RNF144A: variants seen among roughly 807,000 people sequenced by gnomAD.
RNF144A encodes the protein E3 ubiquitin-protein ligase RNF144A.
RNF144A carries 11 observed loss-of-function variants against 38.7 expected under a neutral mutation model. The ratio of observed to expected loss-of-function variants is 0.28; its 90% confidence interval spans 0.18 to 0.47. The LOEUF is 0.47. Ranked by LOEUF, RNF144A falls within the 20% of genes least tolerant of loss-of-function variation. The probability of loss-of-function intolerance (pLI) is 0.99; values close to 1 mark genes in which losing one functional copy is unlikely to be tolerated. For synonymous variants in RNF144A, 149 were observed against 143.9 expected (o/e 1.04, Z -0.25); for missense variants, 316 against 377.2 (o/e 0.84, Z 1.34).
rs1673111141 is a variant in RNF144A at position 7,042,554 on chromosome 2, C to G, written c.*2794C>G. 1 of 985,402 alleles carries G rather than the reference C, an allele frequency of 1.0e-6. No individual in the cohort carries two copies. The highest frequency in any genetic ancestry group is 1.2e-6 in the Non-Finnish European group (1 of 829,994). 61.0% of individuals were successfully genotyped at this position (985,402 alleles called of 1,614,324 possible). A position where few individuals can be genotyped will look rare whatever the true frequency, so the allele number is the denominator to read the frequency against. ...GTGGCCAGTGAGGACTGGCCTTAGCCCAGTGGACCTGTGGCTTCTCTGAGG... is the reference window on the plus strand; with the variant it reads ...GTGGCCAGTGAGGACTGGCCTTAGCGCAGTGGACCTGTGGCTTCTCTGAGG... On this transcript the variant is annotated 3_prime_UTR_variant, in exon 9 of 9. Coordinates refer to ENST00000320892, the MANE Select transcript of RNF144A (RefSeq NM_014746.6).
chr2:6,998,746 G>A (rs747081207), intron 3 of RNF144A, among the ~76,000 whole-genome samples: 1 of 152,214 alleles, frequency 6.6e-6, no homozygotes, highest in East Asian at 1.9e-4. Flanking sequence ...CGTGAATGGG[G>A]CTTATTGTCA....
chr2:6,969,624 A>C (rs1223697013), intron 2 of RNF144A, among the ~76,000 whole-genome samples: 3 of 152,218 alleles, frequency 2.0e-5, no homozygotes, highest in African/African-American at 7.2e-5. Context: ...AAAATTCCAA[A>C]ATCTGAAATA....
chr2:6,951,207 T>C (rs2103313669), intron 2 of RNF144A, among the ~76,000 whole-genome samples: 1 of 152,344 alleles, frequency 6.6e-6, no homozygotes, highest in Admixed American at 6.5e-5. Flanking sequence ...GTAACATTTA[T>C]TGAATGGCCC....
rs73914438 is a variant in RNF144A at position 6,941,410 on chromosome 2, C to G, written c.-12+263C>G. Among the ~76,000 whole-genome samples, 1,231 of 152,328 alleles carry G rather than the reference C, an allele frequency of 8.1e-3. 24 individuals carry two copies. Among genetic ancestry groups the G allele is most frequent in the African/African-American group, 0.027 (1,126 of 41,582 alleles). ...TTATTCATTTGCTGCTTTTAACAAT[C>G]CTTGGAGTCTCCTGTTTTAGATCTC... On this transcript the variant is annotated intron_variant, in intron 2 of 8. Coordinates refer to ENST00000320892, the MANE Select transcript of RNF144A (RefSeq NM_014746.6). The surrounding 1 kb of genome is among the most constrained non-coding windows in gnomAD (Gnocchi z 6.5).
At chr2:6,977,568 A>G (rs527931136) in intron 2 of RNF144A, among the ~76,000 whole-genome samples, 32 of 152,380 alleles carry the variant, frequency 2.1e-4, no homozygotes, top group African/African-American at 7.7e-4. Context: ...AATAGTTGAT[A>G]TTATATGGGC....
intron 6 of RNF144A, among the ~76,000 whole-genome samples, chr2:7,061,913 A>G (rs1673971603): frequency 6.6e-6 from 1 of 152,212 alleles, no homozygotes; most frequent in Admixed American, 6.5e-5. Flanking sequence ...ACTCTGATAC[A>G]CAGAAAAGAG....
In RNF144A at chr2:6,997,621, G is replaced by A. The variant is rs879336085; in HGVS notation, c.135+560G>A. The stretch of plus-strand genomic sequence containing the variant: ...TCTAAGTCAAGAATCTGGGGTTTGG[G>A]TCAAACTCAAATCCCAAATTTTATC... On this transcript the variant is annotated intron_variant, in intron 3 of 8. Coordinates refer to ENST00000320892, the MANE Select transcript of RNF144A (RefSeq NM_014746.6). 1.2e-4 allele frequency among the ~76,000 whole-genome samples: 19 copies of A among 152,170 alleles called. 1 individual carries two copies. The highest frequency in any genetic ancestry group is 2.6e-4 in the Admixed American group (4 of 15,278).
At chr2:7,059,486 C>A (rs1367388542) in intron 6 of RNF144A, among the ~76,000 whole-genome samples, 1 of 152,198 alleles carries the variant, frequency 6.6e-6, no homozygotes, top group Non-Finnish European at 1.5e-5. Context: ...GCAGCAAGGG[C>A]ATCTATGCTC....
intron 6 of RNF144A, among the ~76,000 whole-genome samples, chr2:7,055,841 G>T (rs1673719894): frequency 6.6e-6 from 1 of 152,158 alleles, no homozygotes; most frequent in African/African-American, 2.4e-5. Context: ...GCACTGTCCT[G>T]TGCAGGTCTC....
chr2:7,064,353 C>T (rs951268546), intron 6 of RNF144A, among the ~76,000 whole-genome samples: 1 of 152,028 alleles, frequency 6.6e-6, no homozygotes, highest in Non-Finnish European at 1.5e-5. Flanking sequence ...AAGAGGAAAA[C>T]TTATTTTTAA....
Position 6,941,716 on chromosome 2 carries a change from A to G in RNF144A, c.-12+569A>G, listed in dbSNP as rs531979309. 2.9e-4 allele frequency among the ~76,000 whole-genome samples: 44 copies of G among 152,380 alleles called. No homozygotes were observed. In the Middle Eastern group the frequency reaches 0.01, roughly 35 times the overall value. On this transcript the variant is annotated intron_variant, in intron 2 of 8. Coordinates refer to ENST00000320892, the MANE Select transcript of RNF144A (RefSeq NM_014746.6). The surrounding 1 kb of genome is among the most constrained non-coding windows in gnomAD (Gnocchi z 6.5). ...TACGACGGGGCAGGTTGCAGTTTTA[A>G]GTGGAGTGGTCAGGGAGGTCTCTAA...
At chr2:7,029,906 C>T (rs906239232) in intron 7 of RNF144A, among the ~76,000 whole-genome samples, 7 of 152,224 alleles carry the variant, frequency 4.6e-5, no homozygotes, top group African/African-American at 1.7e-4. Context: ...GCTGTGCTGT[C>T]CAGGGCTGCT....
rs1051959251 is a variant in RNF144A at position 7,041,765 on chromosome 2, C to G, written c.*2005C>G. 4 of 985,628 alleles carry G rather than the reference C, an allele frequency of 4.1e-6. No individual in the cohort carries two copies. Among genetic ancestry groups the G allele is most frequent in the Non-Finnish European group, 4.8e-6 (4 of 830,100 alleles). The allele number at this position is 985,628 out of a possible 1,614,324, so 61.1% of individuals were successfully genotyped here. On this transcript the variant is annotated 3_prime_UTR_variant, in exon 9 of 9. Transcript: ENST00000320892. Reference sequence around the variant, plus strand: ...TCCACCATATGCTCATCCTTCCTGCCTGAAATTGCTGCTGCCCATCGCATG... The same window carrying G: ...TCCACCATATGCTCATCCTTCCTGCGTGAAATTGCTGCTGCCCATCGCATG...
At chr2:6,924,293 G>A (rs538187818) in intron 1 of RNF144A, among the ~76,000 whole-genome samples, 10 of 152,378 alleles carry the variant, frequency 6.6e-5, no homozygotes, top group Admixed American at 1.3e-4. Context: ...TTCCGTGGCC[G>A]TGTTGCTGGG....
intron 6 of RNF144A, among the ~76,000 whole-genome samples, chr2:7,067,496 T>TTGGC (rs1394459638): frequency 1.3e-5 from 2 of 152,134 alleles, no homozygotes; most frequent in Non-Finnish European, 2.9e-5. Context: ...ATCTTTTTGA[T>TTGGC]TGGCTGCCCT....
At chr2:7,010,588 C>T (rs1055535020) in intron 3 of RNF144A, among the ~76,000 whole-genome samples, 6 of 152,162 alleles carry the variant, frequency 3.9e-5, no homozygotes, top group African/African-American at 9.7e-5. Context: ...AAACTTCTGA[C>T]GCACCGGAGG....
chr2:7,057,015 C>G (rs988857230), intron 6 of RNF144A, among the ~76,000 whole-genome samples: 1 of 152,184 alleles, frequency 6.6e-6, no homozygotes, highest in Non-Finnish European at 1.5e-5. Flanking sequence ...GATCTCACCC[C>G]CAGGGGGTCC....
downstream of RNF144A, among the ~76,000 whole-genome samples, chr2:7,045,805 G>A (rs534707968): frequency 4.6e-5 from 7 of 152,186 alleles, no homozygotes; most frequent in South Asian, 2.1e-4. Context: ...GCGGGGCTCC[G>A]TTGCCGGTGG....
intron 3 of RNF144A, among the ~76,000 whole-genome samples, chr2:6,999,505 A>C (rs560397403): frequency 6.6e-6 from 1 of 152,332 alleles, no homozygotes; most frequent in South Asian, 2.1e-4. Flanking sequence ...ACTCTTAAAA[A>C]AACAGTTATT....
Sources: allele counts gnomAD v4.1 joint callset (sites outside exome capture counted in the v4.1 genomes callset), GRCh38; gene constraint gnomAD v4.1.1; non-coding constraint Gnocchi (gnomAD v3.1); transcripts MANE v1.5; gene names NCBI Gene and HGNC (gene_info 2026-07-23, HGNC 2026-07-21).